The following FRMD3 variants were observed in gnomAD, a reference collection of about 807,000 sequenced individuals.
The protein encoded by FRMD3 is FERM domain containing 3.
In FRMD3, 33 loss-of-function variants were observed where a neutral mutation model predicts 70.2. The ratio of observed to expected loss-of-function variants is 0.47; its 90% CI spans 0.36 to 0.63. FRMD3 has a LOEUF of 0.63. Among genes scored for constraint, FRMD3 ranks in the 20% least tolerant of loss-of-function variants. The pLI, the probability that FRMD3 is intolerant of heterozygous loss-of-function variation, is 0.00. For synonymous variants in FRMD3, 279 were observed against 255.9 expected (o/e 1.09, Z -0.86); for missense variants, 632 against 711.4 (o/e 0.89, Z 1.27).
intron 13 of FRMD3, among the ~76,000 whole-genome samples, chr9:83,270,119 T>C (rs1833482988): frequency 1.3e-5 from 2 of 152,222 alleles, no homozygotes; most frequent in African/African-American, 4.8e-5. Context: ...AACTGAACAG[T>C]ATCAGTAGCA....
chr9:83,265,328 A>C (rs1037781478), intron 13 of FRMD3, among the ~76,000 whole-genome samples: 1 of 139,692 alleles, frequency 7.2e-6, no homozygotes, highest in African/African-American at 2.6e-5. Flanking sequence ...TGAACCCGGG[A>C]GGTGGAGCTT....
intron 13 of FRMD3, among the ~76,000 whole-genome samples, chr9:83,252,357 A>T (rs778883981): frequency 2.6e-5 from 4 of 152,206 alleles, no homozygotes; most frequent in Non-Finnish European, 4.4e-5. Flanking sequence ...GCCTTGCAAG[A>T]GCTCCTGAAG....
chr9:83,324,640 G>A (rs1835939092), intron 6 of FRMD3, among the ~76,000 whole-genome samples: 1 of 152,172 alleles, frequency 6.6e-6, no homozygotes, highest in African/African-American at 2.4e-5. Flanking sequence ...AGATACATAT[G>A]CAGAGCTATC....
intron 13 of FRMD3, among the ~76,000 whole-genome samples, chr9:83,272,874 G>C (rs533250515): frequency 7.4e-6 from 1 of 134,270 alleles, no homozygotes; most frequent in South Asian, 2.6e-4. Context: ...CGGCCACCCC[G>C]TCCGAGAAGT....
Position 83,245,880 on chromosome 9 carries a change from A to G in FRMD3, c.*2038T>C, listed in dbSNP as rs779564898. 4 of 984,758 alleles carry G rather than the reference A, an allele frequency of 4.1e-6. No individual in the cohort carries two copies. The highest frequency in any genetic ancestry group is 1.7e-5 in the African/African-American group (1 of 57,222). 61.0% of individuals were successfully genotyped at this position (984,758 alleles called of 1,614,324 possible). A position where few individuals can be genotyped will look rare whatever the true frequency, so the allele number is the denominator to read the frequency against. On this transcript the variant is annotated 3_prime_UTR_variant, in exon 14 of 14. Transcript: ENST00000304195. ...ACCTAGCCATCTGCAAGCTTCCAAA[A>G]TAAATTGTTGAGGATTCCAATCACA... is the stretch of plus-strand genomic sequence containing the variant.
chr9:83,555,686 C>T, the FRMD3 span, among the ~76,000 whole-genome samples: 66 of 152,300 alleles, frequency 4.3e-4, 1 homozygote, highest in African/African-American at 1.5e-3. Context: ...TGGGTAGGTA[C>T]AGGAATCTAA....
At chr9:83,483,495 C>T (rs137861113) in intron 1 of FRMD3, among the ~76,000 whole-genome samples, 43 of 152,312 alleles carry the variant, frequency 2.8e-4, no homozygotes, top group African/African-American at 8.9e-4. Context: ...CTATCTACAC[C>T]ACTGATTAAA....
At chr9:83,348,180 C>T (rs10120527) in intron 4 of FRMD3, among the ~76,000 whole-genome samples, 16,250 of 152,074 alleles carry the variant, frequency 0.11, 890 homozygotes, top group East Asian at 0.17. Flanking sequence ...ATTTGATCTT[C>T]CTAATTACAC....
rs544018448 is a variant in FRMD3, at chr9:83,537,497, C to T, written c.147+588G>A. Among the ~76,000 whole-genome samples, 2 of 152,358 alleles carry T rather than the reference C, an allele frequency of 1.3e-5. No individual in the cohort carries two copies. Among genetic ancestry groups the T allele is most frequent in the East Asian group, 3.9e-4 (2 of 5,176 alleles). On this transcript the variant is annotated intron_variant, in intron 1 of 13. Coordinates refer to ENST00000304195, the MANE Select transcript of FRMD3 (RefSeq NM_174938.6). This position sits in a 1 kb window ranked among gnomAD's most constrained non-coding sequence, Gnocchi z 4.1. The stretch of plus-strand genomic sequence containing the variant: ...CATCCCTCAAGGCTGGCGCCCAGGG[C>T]AGCCCGGCCTCTCTCACTCTGGGGA...
intron 1 of FRMD3, among the ~76,000 whole-genome samples, chr9:83,506,794 CTT>C (rs1337922261): frequency 6.6e-6 from 1 of 152,138 alleles, no homozygotes; most frequent in African/African-American, 2.4e-5. Flanking sequence ...AACTTTTTGA[CTT>C]TTGTAATAAT....
intron 10 of FRMD3, among the ~76,000 whole-genome samples, chr9:83,301,845 T>G (rs535936743): frequency 5.9e-5 from 9 of 152,216 alleles, no homozygotes; most frequent in Non-Finnish European, 1.3e-4. Flanking sequence ...AGATGGCCAG[T>G]AGCTGTATGC....
At chr9:83,278,037 G>C (rs1465853588) in intron 13 of FRMD3, among the ~76,000 whole-genome samples, 1 of 152,222 alleles carries the variant, frequency 6.6e-6, no homozygotes, top group Non-Finnish European at 1.5e-5. Flanking sequence ...GATAGCATGA[G>C]AGGGAGCAAA....
At chr9:83,297,685 AAG>A (rs1277438300) in intron 12 of FRMD3, 1 of 467,820 alleles carries the variant, frequency 2.1e-6, no homozygotes, top group Non-Finnish European at 4.4e-6. Flanking sequence ...GCCTGGAGCC[AAG>A]ATTCTCCAGC....
chr9:83,415,839 G>T (rs1457250752), intron 1 of FRMD3, among the ~76,000 whole-genome samples: 2 of 151,988 alleles, frequency 1.3e-5, no homozygotes, highest in African/African-American at 4.8e-5. Flanking sequence ...GGAAAAGGTA[G>T]TGGTTCATTA....
At chr9:83,420,852 C>T (rs1175800210) in intron 1 of FRMD3, among the ~76,000 whole-genome samples, 1 of 152,112 alleles carries the variant, frequency 6.6e-6, no homozygotes, top group Non-Finnish European at 1.5e-5. Flanking sequence ...TCAGTGGAAG[C>T]AGCCTGAGGC....
chr9:83,495,561 A>G (rs550274472), intron 1 of FRMD3, among the ~76,000 whole-genome samples: 1 of 152,350 alleles, frequency 6.6e-6, no homozygotes, highest in East Asian at 1.9e-4. Context: ...GTTATTACGT[A>G]TTATTTCAAA....
In FRMD3 at chr9:83,398,092, C is replaced by T. The variant is rs1010897559; in HGVS notation, c.148-8384G>A. On this transcript the variant is annotated intron_variant, in intron 1 of 13. Transcript: ENST00000304195. The stretch of plus-strand genomic sequence containing the variant: ...GAAAGATTGTAGCTTGATTGAACAA[C>T]ATAAAAGTGCTCTGTTAATATTCTG... Among the ~76,000 whole-genome samples, 56 of 152,158 alleles carry T rather than the reference C, an allele frequency of 3.7e-4. 1 individual carries two copies. The highest frequency in any genetic ancestry group is 1.2e-4 in the Non-Finnish European group (8 of 68,022).
intron 1 of FRMD3, among the ~76,000 whole-genome samples, chr9:83,425,146 G>A (rs1238187679): frequency 6.6e-6 from 1 of 152,126 alleles, no homozygotes; most frequent in African/African-American, 2.4e-5. Flanking sequence ...AAAGCACTGA[G>A]GGAAAACATA....
intron 2 of FRMD3, among the ~76,000 whole-genome samples, chr9:83,378,446 T>TTA (rs1166788222): frequency 2.1e-5 from 3 of 139,706 alleles, no homozygotes; most frequent in African/African-American, 5.3e-5. Context: ...CCCGGCTAAT[T>TTA]TATATATATA....
Sources: gnomAD v4.1 joint callset for allele counts (sites outside exome capture counted in the v4.1 genomes callset) on GRCh38, gnomAD v4.1.1 for gene constraint, Gnocchi (gnomAD v3.1) non-coding constraint, MANE v1.5 for transcripts, NCBI Gene and HGNC (gene_info 2026-07-23, HGNC 2026-07-21) for gene names.